MAP4K4: variants seen among roughly 807,000 people sequenced by gnomAD.
MAP4K4 encodes the protein mitogen-activated protein kinase kinase kinase kinase 4, also known as HPK/GCK-like kinase HGK.
Under a neutral mutation model 189.6 loss-of-function variants are expected in MAP4K4, and 38 were observed. That is an observed-to-expected ratio of 0.20 (90% CI 0.15 to 0.26). The LOEUF is 0.26. Among genes scored for constraint, MAP4K4 ranks in the 10% least tolerant of loss-of-function variants. The pLI, the probability that MAP4K4 is intolerant of heterozygous loss-of-function variation, is 1.00. For synonymous variants in MAP4K4, 610 were observed against 624.3 expected, an observed-to-expected ratio of 0.98 and a Z score of 0.34; for missense variants, 1,054 against 1,726.9, an observed-to-expected ratio of 0.61 and a Z score of 6.91.
intron 13 of MAP4K4, among the ~76,000 whole-genome samples, chr2:101,857,148 A>G (rs1390276529): frequency 1.3e-5 from 2 of 152,196 alleles, no homozygotes; most frequent in Non-Finnish European, 2.9e-5. Context: ...TTACAGTTCG[A>G]TCATGAGAGG....
intron 28 of MAP4K4, among the ~76,000 whole-genome samples, chr2:101,884,788 C>T (rs748871187): frequency 1.3e-5 from 2 of 152,144 alleles, no homozygotes; most frequent in Non-Finnish European, 2.9e-5. Context: ...GAGCCCCATG[C>T]AGGACTAGGG....
intron 12 of MAP4K4, among the ~76,000 whole-genome samples, chr2:101,847,844 C>T (rs1198660054): frequency 1.3e-5 from 2 of 152,186 alleles, no homozygotes; most frequent in Non-Finnish European, 2.9e-5. Context: ...ACTCACCACT[C>T]ACTCACTGAC....
intron 2 of MAP4K4, among the ~76,000 whole-genome samples, chr2:101,721,163 AAG>A (rs2051669678): frequency 6.6e-6 from 1 of 152,238 alleles, no homozygotes; most frequent in African/African-American, 2.4e-5. Flanking sequence ...AGGTTTAAAA[AAG>A]AGAATAAAAA....
chr2:101,871,610 C>G (rs938211178), exon 24 of MAP4K4: 3 of 1,536,426 alleles, frequency 2.0e-6, no homozygotes, highest in Admixed American at 2.0e-5. Context: ...CCTCCACCTC[C>G]TCCTCCCCAT....
intron 27 of MAP4K4, among the ~76,000 whole-genome samples, chr2:101,879,272 GTTT>G (rs200445614): frequency 8.0e-6 from 1 of 125,624 alleles, no homozygotes; most frequent in Non-Finnish European, 1.7e-5. Flanking sequence ...CTACTTTTCT[GTTT>G]TTTTTTTTTT....
chr2:101,846,734 C>A (rs1405946032), intron 12 of MAP4K4, among the ~76,000 whole-genome samples: 1 of 152,186 alleles, frequency 6.6e-6, no homozygotes, highest in African/African-American at 2.4e-5. Context: ...TCAGGGTCAT[C>A]TCTTTGAGCT....
At chr2:101,707,356 G>A (rs2042874530) in intron 2 of MAP4K4, among the ~76,000 whole-genome samples, 1 of 151,642 alleles carries the variant, frequency 6.6e-6, no homozygotes, top group Admixed American at 6.6e-5. Context: ...CTGCAGGTGC[G>A]GACCACCATG....
intron 2 of MAP4K4, among the ~76,000 whole-genome samples, chr2:101,753,720 C>T (rs2070569412): frequency 1.3e-5 from 2 of 151,340 alleles, no homozygotes; most frequent in Non-Finnish European, 1.5e-5. Context: ...GTCTGGAAGA[C>T]AGTCTGTTTG....
At chr2:101,873,721 A>G (rs2098119441) in exon 25 of MAP4K4, 16 of 1,612,904 alleles carry the variant, frequency 9.9e-6, no homozygotes, top group African/African-American at 1.3e-5. Flanking sequence ...ACCCCAGATT[A>G]CTACAGATTT....
intron 12 of MAP4K4, among the ~76,000 whole-genome samples, chr2:101,844,866 A>G (rs2097044581): frequency 1.3e-5 from 2 of 152,092 alleles, no homozygotes; most frequent in South Asian, 2.1e-4. Context: ...GCAGCAAACC[A>G]CCATGGCACA....
intron 5 of MAP4K4, among the ~76,000 whole-genome samples, chr2:101,828,869 A>G (rs2096483319): frequency 6.6e-6 from 1 of 152,200 alleles, no homozygotes; most frequent in Admixed American, 6.5e-5. Context: ...CGTAAGAGAC[A>G]AGCTTTTGGG....
At chr2:101,792,597 T>TCCTCCTCCTCCTCCTC (rs2093068247) in intron 3 of MAP4K4, among the ~76,000 whole-genome samples, 3 of 144,836 alleles carry the variant, frequency 2.1e-5, no homozygotes, top group African/African-American at 8.2e-5. Context: ...TTCTCCTCCT[T>TCCTCCTCCTCCTCCTC]CTCCTCCTCC....
intron 2 of MAP4K4, among the ~76,000 whole-genome samples, chr2:101,761,167 T>A (rs573889029): frequency 3.0e-4 from 45 of 152,328 alleles, no homozygotes; most frequent in African/African-American, 1.1e-3. Context: ...AACATTTGTG[T>A]TTTGTGAAGT....
intron 3 of MAP4K4, among the ~76,000 whole-genome samples, chr2:101,803,245 A>ATG (rs6146862): frequency 0.021 from 3,174 of 150,334 alleles, 58 homozygotes; most frequent in Middle Eastern, 0.066. Context: ...GATGATGATG[A>ATG]TGTGTGTGTG....
At chr2:101,866,184 C>A (rs1304851861) in intron 18 of MAP4K4, among the ~76,000 whole-genome samples, 3 of 152,154 alleles carry the variant, frequency 2.0e-5, no homozygotes, top group Non-Finnish European at 4.4e-5. Flanking sequence ...GTATCTCACA[C>A]CTGATGATTT....
At chr2:101,804,562 A>C (rs1463921532) in intron 3 of MAP4K4, among the ~76,000 whole-genome samples, 1 of 152,096 alleles carries the variant, frequency 6.6e-6, no homozygotes, top group African/African-American at 2.4e-5. Context: ...CTTTTCTCTG[A>C]GCACAGGAAC....
At chr2:101,869,194 G>T (rs923718693) in intron 21 of MAP4K4, among the ~76,000 whole-genome samples, 1 of 151,896 alleles carries the variant, frequency 6.6e-6, no homozygotes. Context: ...AAATAAAAAT[G>T]TGTCTCTCAA....
chr2:101,878,230 G>GA (rs1416919936), intron 27 of MAP4K4, among the ~76,000 whole-genome samples: 3 of 152,074 alleles, frequency 2.0e-5, no homozygotes, highest in Non-Finnish European at 2.9e-5. Context: ...ATACTTAAGG[G>GA]AAAAAATCTG....
At chr2:101,707,741 A>AGTGCAGTG (rs1303185710) in intron 2 of MAP4K4, among the ~76,000 whole-genome samples, 1 of 138,482 alleles carries the variant, frequency 7.2e-6, no homozygotes. Context: ...CCCAGGCTGG[A>AGTGCAGTG]GTGCAGTGGT....
Sources: allele counts gnomAD v4.1 joint callset (sites outside exome capture counted in the v4.1 genomes callset), GRCh38; gene constraint gnomAD v4.1.1; transcripts MANE v1.5; gene names NCBI Gene and HGNC (gene_info 2026-07-23, HGNC 2026-07-21).